Variants in CIB1 observed in about 807,000 individuals in gnomAD.
The protein encoded by CIB1 is calcium and integrin-binding protein 1.
CIB1 carries 19 observed loss-of-function variants against 25.0 expected under a neutral mutation model. The ratio of observed to expected loss-of-function variants is 0.76; its 90% confidence interval spans 0.53 to 1.12. CIB1 has a LOEUF of 1.12. Ranked by LOEUF, CIB1 falls within the 50% of genes most tolerant of loss-of-function variation. The probability of loss-of-function intolerance (pLI) is 0.00; values close to 1 mark genes in which losing one functional copy is unlikely to be tolerated. For missense variants in CIB1, 236 were observed against 242.6 expected (o/e 0.97, Z 0.18); for synonymous variants, 104 against 98.5 (o/e 1.06, Z -0.33).
chr15:90,232,501 G>C lies in CIB1; in HGVS notation c.87-174C>G, dbSNP rs142184103. ...AAAGGACATGTCACAAGGCAGTACA[G>C]CCTAGGAGTCTATTCTTGCAATGAG... On this transcript the variant is annotated intron_variant, in intron 2 of 6. Coordinates refer to ENST00000328649, the MANE Select transcript of CIB1 (RefSeq NM_006384.4). 43 of 1,003,456 alleles carry C rather than the reference G, an allele frequency of 4.3e-5. No homozygotes were observed. The African/African-American group carries it at 4.3e-4, about 10-fold the overall frequency. 62.2% of individuals were successfully genotyped at this position (1,003,456 alleles called of 1,614,324 possible).
chr15:90,247,104 T>C, the CIB1 span, among the ~76,000 whole-genome samples: 1 of 151,774 alleles, frequency 6.6e-6, no homozygotes, highest in African/African-American at 2.4e-5. Context: ...GCCTCCTGAA[T>C]AGCTGAGACT....
chr15:90,233,532 G>A (rs575438404), intron 2 of CIB1, 137 bp downstream of exon 2: 2 of 1,140,424 alleles, frequency 1.8e-6, no homozygotes, highest in East Asian at 2.6e-5. Context: ...GGCGCAGCCC[G>A]GGCTAGGTCT....
upstream of CIB1, among the ~76,000 whole-genome samples, chr15:90,235,891 G>A (rs1406990019): frequency 6.6e-6 from 1 of 151,964 alleles, no homozygotes; most frequent in African/African-American, 2.4e-5. Context: ...TTAATAGCAG[G>A]CTCTTTCTGT....
chr15:90,251,114 CTT>C, the CIB1 span, among the ~76,000 whole-genome samples: 38 of 104,626 alleles, frequency 3.6e-4, 1 homozygote, highest in African/African-American at 7.1e-4. Context: ...CCTGGTCTGT[CTT>C]TTTTTTTTTT....
At chr15:90,264,236 G>A in the CIB1 span, among the ~76,000 whole-genome samples, 1 of 152,236 alleles carries the variant, frequency 6.6e-6, no homozygotes, top group South Asian at 2.1e-4. Context: ...CTGTCGCCAA[G>A]GCTGAAGTAC....
upstream of CIB1, among the ~76,000 whole-genome samples, chr15:90,237,350 C>T (rs1962658107): frequency 6.8e-6 from 1 of 146,218 alleles, no homozygotes; most frequent in South Asian, 2.1e-4. Flanking sequence ...GGCACCACCT[C>T]AGTTCACCAC....
the CIB1 span, among the ~76,000 whole-genome samples, chr15:90,255,453 T>G: frequency 6.6e-6 from 1 of 152,200 alleles, no homozygotes; most frequent in African/African-American, 2.4e-5. Context: ...GGCCTGGTGG[T>G]CTGAGGGGTG....
At chr15:90,234,176 G>C, upstream of CIB1, 1 of 251,116 alleles carries the variant, frequency 4.0e-6, no homozygotes, top group Non-Finnish European at 7.6e-6. Flanking sequence ...GGAGGGGGGG[G>C]CGGGCCACGC....
chr15:90,241,925 C>G, the CIB1 span: 1 of 1,614,104 alleles, frequency 6.2e-7, no homozygotes. Flanking sequence ...CTGGGCACCT[C>G]CCTGTCAAAA....
At chr15:90,252,917 C>T in the CIB1 span, among the ~76,000 whole-genome samples, 2 of 152,152 alleles carry the variant, frequency 1.3e-5, no homozygotes, top group African/African-American at 4.8e-5. Flanking sequence ...GCACGAGAAT[C>T]TCTTGAACCT....
the CIB1 span, chr15:90,258,637 A>C: frequency 1.0e-6 from 1 of 970,950 alleles, no homozygotes; most frequent in Non-Finnish European, 1.6e-6. Context: ...TCCCCGGCTG[A>C]GGCCATGGGA....
the CIB1 span, among the ~76,000 whole-genome samples, chr15:90,253,064 G>A: frequency 6.6e-6 from 1 of 152,118 alleles, no homozygotes; most frequent in Admixed American, 6.6e-5. Flanking sequence ...TTTTGGAAGG[G>A]CCCTGACAGC....
At chr15:90,263,967 A>C in the CIB1 span, 9 of 1,536,024 alleles carry the variant, frequency 5.9e-6, no homozygotes, top group Non-Finnish European at 7.8e-6. Context: ...TCAACTGGAC[A>C]GGAGAGCCGG....
At chr15:90,258,944 G>C in the CIB1 span, 1 of 1,614,074 alleles carries the variant, frequency 6.2e-7, no homozygotes, top group Non-Finnish European at 8.5e-7. Context: ...TAGGTGTCTG[G>C]CATGTGTTTA....
chr15:90,239,921 T>C, the CIB1 span, among the ~76,000 whole-genome samples: 1 of 147,778 alleles, frequency 6.8e-6, no homozygotes, highest in African/African-American at 2.5e-5. Flanking sequence ...TGAGAACCTG[T>C]TTCAAAATAA....
At chr15:90,264,617 A>G in the CIB1 span, 1 of 1,332,798 alleles carries the variant, frequency 7.5e-7, no homozygotes, top group Non-Finnish European at 1.0e-6. Flanking sequence ...GGGAAGCATG[A>G]GATGCCCTTC....
At chr15:90,238,467 T>C (rs987201317), upstream of CIB1, 1 of 152,240 alleles carries the variant, frequency 6.6e-6, no homozygotes, top group Non-Finnish European at 1.5e-5. Flanking sequence ...ATGTTTTGTT[T>C]CCTTTCTGTT....
chr15:90,239,204 A>G, the CIB1 span, among the ~76,000 whole-genome samples: 1 of 152,182 alleles, frequency 6.6e-6, no homozygotes, highest in East Asian at 1.9e-4. Context: ...GCATTATAAC[A>G]AAGGGTTATA....
At chr15:90,241,162 C>A in the CIB1 span, 1 of 1,614,180 alleles carries the variant, frequency 6.2e-7, no homozygotes, top group Non-Finnish European at 8.5e-7. Flanking sequence ...GAGCTACAGA[C>A]CCAAATCCTC....
Sources: gnomAD v4.1 joint callset for allele counts (sites outside exome capture counted in the v4.1 genomes callset) on GRCh38, gnomAD v4.1.1 for gene constraint, MANE v1.5 for transcripts, NCBI Gene and HGNC (gene_info 2026-07-23, HGNC 2026-07-21) for gene names.